CYFIP2: variants seen among roughly 807,000 people sequenced by gnomAD.
CYFIP2 encodes the protein cytoplasmic FMR1-interacting protein 2.
Under a neutral mutation model 158.7 loss-of-function variants are expected in CYFIP2, and 29 were observed. The ratio of observed to expected loss-of-function variants is 0.18; its 90% confidence interval spans 0.14 to 0.25. The LOEUF (loss-of-function observed/expected upper bound fraction) is 0.25. Ranked by LOEUF, CYFIP2 falls within the 10% of genes least tolerant of loss-of-function variation. The pLI is 1.00. For synonymous variants in CYFIP2, 585 were observed against 617.6 expected (o/e 0.95, Z 0.78); for missense variants, 852 against 1,639.5 (o/e 0.52, Z 8.29).
At chr5:157,273,541 T>G (rs915307454) in intron 1 of CYFIP2, among the ~76,000 whole-genome samples, 1 of 152,090 alleles carries the variant, frequency 6.6e-6, no homozygotes, top group Non-Finnish European at 1.5e-5. Flanking sequence ...GCCTGCCCTG[T>G]ATGGTCTAGT....
chr5:157,272,790 C>T, intron 1 of CYFIP2, among the ~76,000 whole-genome samples: 1 of 152,080 alleles, frequency 6.6e-6, no homozygotes, highest in East Asian at 1.9e-4. Context: ...AAGTAAAGTC[C>T]TTTGATTATA....
At chr5:157,353,851 G>C (rs911359003) in intron 23 of CYFIP2, among the ~76,000 whole-genome samples, 1 of 152,174 alleles carries the variant, frequency 6.6e-6, no homozygotes, top group African/African-American at 2.4e-5. Flanking sequence ...TGATTCCAGA[G>C]AGCAGAGATG....
At chr5:157,314,294 T>C (rs1230610847) in intron 11 of CYFIP2, 50 bp from the exon 12 acceptor site, 1 of 1,592,026 alleles carries the variant, frequency 6.3e-7, no homozygotes, top group Admixed American at 1.7e-5. Flanking sequence ...AGATAACATA[T>C]AAAAGTGTCA....
At chr5:157,305,487 A>G (rs1201313707) in intron 8 of CYFIP2, among the ~76,000 whole-genome samples, 2 of 152,188 alleles carry the variant, frequency 1.3e-5, no homozygotes, top group East Asian at 1.9e-4. Context: ...ATCTCTCACA[A>G]TCTCTTCACC....
At chr5:157,370,744 A>AG (rs892772615) in intron 26 of CYFIP2, among the ~76,000 whole-genome samples, 30 of 152,346 alleles carry the variant, frequency 2.0e-4, no homozygotes, top group African/African-American at 6.5e-4. Flanking sequence ...ACTTGAGGGA[A>AG]GAGAAAGCCC....
intron 5 of CYFIP2, among the ~76,000 whole-genome samples, chr5:157,297,119 C>A (rs1228938753): frequency 6.6e-6 from 1 of 152,208 alleles, no homozygotes; most frequent in African/African-American, 2.4e-5. Context: ...GACAGCCTCT[C>A]AGGAGGCGGC....
At chr5:157,288,062 C>T (rs1454227272) in intron 3 of CYFIP2, among the ~76,000 whole-genome samples, 1 of 152,128 alleles carries the variant, frequency 6.6e-6, no homozygotes, top group African/African-American at 2.4e-5. Flanking sequence ...CACTGCATTC[C>T]AGCCTGGGCA....
intron 6 of CYFIP2, among the ~76,000 whole-genome samples, chr5:157,302,211 C>A (rs975047271): frequency 6.6e-6 from 1 of 152,144 alleles, no homozygotes. Context: ...GCACCATCCC[C>A]ATGTTAGGCT....
intron 13 of CYFIP2, among the ~76,000 whole-genome samples, chr5:157,316,648 C>A (rs1760170462): frequency 6.6e-6 from 1 of 152,178 alleles, no homozygotes; most frequent in Non-Finnish European, 1.5e-5. Context: ...AATCAGAGAC[C>A]TGGATCCCAG....
At chr5:157,304,110 C>A in intron 7 of CYFIP2, 128 bp from the exon 8 acceptor site, 1 of 1,232,210 alleles carries the variant, frequency 8.1e-7, no homozygotes. Context: ...GCAGCCTCGC[C>A]TCCCTGGAGC....
At chr5:157,298,082 G>A (rs76667824) in intron 5 of CYFIP2, among the ~76,000 whole-genome samples, 1,616 of 152,274 alleles carry the variant, frequency 0.011, 34 homozygotes, top group African/African-American at 0.035. Context: ...GAGCTCAATC[G>A]GGGCCATCAT....
chr5:157,371,012 G>A (rs1764942628), intron 26 of CYFIP2, among the ~76,000 whole-genome samples: 1 of 152,202 alleles, frequency 6.6e-6, no homozygotes, highest in South Asian at 2.1e-4. Flanking sequence ...TGAGGGACCA[G>A]TGGAACAGGA....
chr5:157,309,550 G>T (rs1444167227), intron 9 of CYFIP2, among the ~76,000 whole-genome samples, 193 bp from the exon 10 acceptor site: 4 of 152,154 alleles, frequency 2.6e-5, no homozygotes, highest in Admixed American at 1.3e-4. Flanking sequence ...TTGGTTGGAG[G>T]CAGGGGAGGA....
At chr5:157,277,960 A>G (rs542329058) in intron 1 of CYFIP2, among the ~76,000 whole-genome samples, 17 of 152,286 alleles carry the variant, frequency 1.1e-4, no homozygotes, top group African/African-American at 3.9e-4. Flanking sequence ...ACTGTAGGCA[A>G]TTGCAACACA....
intron 16 of CYFIP2, 63 bp downstream of exon 16, chr5:157,324,137 A>G: frequency 6.6e-7 from 1 of 1,522,434 alleles, no homozygotes; most frequent in Non-Finnish European, 8.8e-7. Flanking sequence ...CAGAGCCGCT[A>G]AGACCACCAA....
rs200428535 is a variant in CYFIP2 at position 157,389,307 on chromosome 5, G to A, written c.3326G>A (p.Arg1109Gln). 1.1e-4 allele frequency: 182 copies of A among 1,613,914 alleles called. No homozygotes were observed. Among genetic ancestry groups the A allele is most frequent in the Non-Finnish European group, 1.4e-4 (170 of 1,179,902 alleles). ...AGCTACCTGCAGGACCCCATCTGGC[G>A]GGGCCCACCGCCCACCAATGGCGTC... ...IRSYLQDPIWRGPPPTNGVMH... is the reference protein window; with the variant it reads ...IRSYLQDPIWQGPPPTNGVMH... The change falls in exon 29 of 31, where the codon CGG becomes CAG. Residue 1109 changes from arginine to glutamine, a missense_variant. Arg to Gln is a conservative substitution (Grantham distance 43, BLOSUM62 1). Transcript: ENST00000620254.
chr5:157,275,355 A>G (rs916930193), intron 1 of CYFIP2, among the ~76,000 whole-genome samples: 3 of 152,212 alleles, frequency 2.0e-5, no homozygotes, highest in Admixed American at 1.3e-4. Context: ...ACCTCACACC[A>G]TAAAACAAAT....
chr5:157,296,211 C>T (rs927509467), intron 4 of CYFIP2, among the ~76,000 whole-genome samples: 1 of 152,208 alleles, frequency 6.6e-6, no homozygotes, highest in African/African-American at 2.4e-5. Flanking sequence ...ATTGGTGAAG[C>T]AGGGGCTACC....
rs766700225 is a variant in CYFIP2 at position 157,330,881 on chromosome 5, G to A, written c.2265+31G>A. On this transcript the variant is annotated intron_variant, in intron 20 of 30. Transcript: ENST00000620254. ...GGGAGCAGAAGCCACCTTGGAGATG[G>A]AAGGGGCAGGAGAGAGCAGCTGCGA... 4 of 1,540,366 alleles carry A rather than the reference G, an allele frequency of 2.6e-6. No homozygotes were observed. In the African/African-American group the frequency reaches 4.1e-5, roughly 16 times the overall value.
Sources: allele counts gnomAD v4.1 joint callset (sites outside exome capture counted in the v4.1 genomes callset), GRCh38; gene constraint gnomAD v4.1.1; transcripts MANE v1.5; gene names NCBI Gene and HGNC (gene_info 2026-07-23, HGNC 2026-07-21).